The following CEP170 variants were observed in gnomAD, a reference collection of about 807,000 sequenced individuals.
CEP170 encodes centrosomal protein 170.
In CEP170, 21 loss-of-function variants were observed where a neutral mutation model predicts 151.9. That is an observed-to-expected ratio of 0.14 (90% CI 0.10 to 0.20). The LOEUF is 0.20. Among genes scored for constraint, CEP170 ranks in the 10% least tolerant of loss-of-function variants. The pLI is 1.00. For synonymous variants in CEP170, 356 were observed against 648.8 expected (o/e 0.55, Z 6.86); for missense variants, 964 against 1,892.9 (o/e 0.51, Z 9.11).
chr1:243,188,754 T>C (rs2060090128), intron 8 of CEP170, among the ~76,000 whole-genome samples: 1 of 152,242 alleles, frequency 6.6e-6, no homozygotes, highest in Non-Finnish European at 1.5e-5. Context: ...TTTTGCCTAC[T>C]TTCAATTCTT....
chr1:243,243,375 T>C (rs1395394682), intron 1 of CEP170, among the ~76,000 whole-genome samples: 1 of 152,124 alleles, frequency 6.6e-6, no homozygotes, highest in Admixed American at 6.5e-5. Flanking sequence ...AAATTTAGAA[T>C]GAATAATTTA....
At chr1:243,204,489 T>G (rs2061277312) in intron 4 of CEP170, among the ~76,000 whole-genome samples, 1 of 152,144 alleles carries the variant, frequency 6.6e-6, no homozygotes, top group Non-Finnish European at 1.5e-5. Context: ...ACTGGGTTCT[T>G]ACTTATGATG....
intron 17 of CEP170, chr1:243,135,803 A>G (rs538159658): frequency 1.9e-3 from 292 of 157,784 alleles, no homozygotes; most frequent in Middle Eastern, 3.2e-3. Context: ...ATATTATTTC[A>G]ATATATAAGC....
At chr1:243,210,608 A>ATTT (rs751388751) in intron 4 of CEP170, among the ~76,000 whole-genome samples, 22,175 of 68,018 alleles carry the variant, frequency 0.33, 5,399 homozygotes, top group Middle Eastern at 0.48. Flanking sequence ...ATTTTTCGTA[A>ATTT]TTTTTTTTTT....
chr1:243,246,582 G>A (rs538070453), intron 1 of CEP170, among the ~76,000 whole-genome samples: 13 of 151,854 alleles, frequency 8.6e-5, no homozygotes, highest in African/African-American at 3.1e-4. Flanking sequence ...TTGTGTGTAA[G>A]TAGATTACAT....
chr1:243,229,934 T>C (rs1166273748), intron 1 of CEP170, among the ~76,000 whole-genome samples: 3 of 152,198 alleles, frequency 2.0e-5, no homozygotes, highest in Non-Finnish European at 4.4e-5. Context: ...CTACACACCT[T>C]GCAAAAACAG....
chr1:243,174,530 C>T lies in CEP170; in HGVS notation c.1567-1684G>A, dbSNP rs548358255. ...CATATTTAGTGAAACAGGTATCAGA[C>T]TTTCTCATTCACTAAAACTTGAAAA... On this transcript the variant is annotated intron_variant, in intron 10 of 19. Transcript: ENST00000366542. Among the ~76,000 whole-genome samples the T allele has an allele frequency of 4.6e-5, 7 of 152,270 alleles. No individual in the cohort carries two copies. The East Asian group carries it at 1.3e-3, about 29-fold the overall frequency.
At position 243,195,231 on chromosome 1, in the gene CEP170, A is replaced by C. The variant is rs190290070; in HGVS notation, c.632-3737T>G. Among the ~76,000 whole-genome samples the C allele has an allele frequency of 5.5e-3, 832 of 151,644 alleles. 1 individual carries two copies. Among genetic ancestry groups the C allele is most frequent in the Non-Finnish European group, 8.6e-3 (582 of 67,770 alleles). On this transcript the variant is annotated intron_variant, in intron 7 of 19. Coordinates refer to ENST00000366542, the MANE Select transcript of CEP170 (RefSeq NM_014812.3). ...GCTGGATTAAAAATCAACATGAGAGAGCCAAAAATCTATGATTCCCAGTTG... is the reference window on the plus strand; with the variant it reads ...GCTGGATTAAAAATCAACATGAGAGCGCCAAAAATCTATGATTCCCAGTTG...
In CEP170 at chr1:243,254,195, T is replaced by C. The variant is rs1004213126; in HGVS notation, c.-42+845A>G. Among the ~76,000 whole-genome samples, 24 of 151,236 alleles carry C rather than the reference T, an allele frequency of 1.6e-4. No homozygotes were observed. The East Asian group carries it at 2.5e-3, about 16-fold the overall frequency. On this transcript the variant is annotated intron_variant, in intron 1 of 19. Coordinates refer to ENST00000366542, the MANE Select transcript of CEP170 (RefSeq NM_014812.3). ...TCTTCCTTACATTCCTCAAAATAAATAAATAAATAAATAAATAAATAAATA... is the reference window on the plus strand; with the variant it reads ...TCTTCCTTACATTCCTCAAAATAAACAAATAAATAAATAAATAAATAAATA...
At chr1:243,222,125 AATC>A (rs1393155457) in intron 2 of CEP170, among the ~76,000 whole-genome samples, 1 of 152,202 alleles carries the variant, frequency 6.6e-6, no homozygotes, top group African/African-American at 2.4e-5. Flanking sequence ...GTTATAGAGA[AATC>A]ATGTGAATTA....
Position 243,200,836 on chromosome 1 carries a change from G to A in CEP170, c.275-1C>T. On this transcript the variant is annotated splice_acceptor_variant, in intron 4 of 19. Coordinates refer to ENST00000366542, the MANE Select transcript of CEP170 (RefSeq NM_014812.3). LOFTEE classifies it high-confidence loss of function. Reference sequence around the variant, plus strand: ...TGTACTACAGTGAAAAGATTTGTATGTAAACGGGGCTAAGGAAGAATATAA... The same window carrying A: ...TGTACTACAGTGAAAAGATTTGTATATAAACGGGGCTAAGGAAGAATATAA... 1 of 1,610,268 alleles carries A rather than the reference G, an allele frequency of 6.2e-7. No individual in the cohort carries two copies. The highest frequency in any genetic ancestry group is 8.5e-7 in the Non-Finnish European group (1 of 1,178,640).
At chr1:243,189,672 G>T (rs1306332638) in intron 8 of CEP170, among the ~76,000 whole-genome samples, 2 of 151,718 alleles carry the variant, frequency 1.3e-5, no homozygotes, top group Non-Finnish European at 2.9e-5. Context: ...CCTTTTAAAA[G>T]GATATTTTAC....
chr1:243,199,176 C>T lies in CEP170; in HGVS notation c.515G>A (p.Arg172His), dbSNP rs771587321. 4.3e-6 allele frequency: 7 copies of T among 1,610,302 alleles called. No homozygotes were observed. The highest frequency in any genetic ancestry group is 2.2e-5 in the South Asian group (2 of 90,596). The change falls in exon 7 of 20, where the codon CGT (arginine) becomes CAT (histidine). Residue 172 changes from arginine (R) to histidine (H), a missense_variant. By Grantham distance (29) the Arg-to-His change is conservative. Transcript: ENST00000366542. ...EKAMDISAMP[R>H]GTPLYGQPSW... is the part of the protein sequence containing the mutation. ...CGGCTGCCCATATAATGGAGTACCA[C>T]GGGGCATAGCAGAAATATCTGGAAA...
At chr1:243,221,866 C>A in intron 2 of CEP170, 53 bp from the exon 3 acceptor site, 2 of 1,507,634 alleles carry the variant, frequency 1.3e-6, no homozygotes, top group South Asian at 1.3e-5. Context: ...GAATAAATAC[C>A]AGTCACATTT....
At chr1:243,194,682 T>C (rs910516462) in intron 7 of CEP170, among the ~76,000 whole-genome samples, 5 of 151,820 alleles carry the variant, frequency 3.3e-5, no homozygotes, top group African/African-American at 1.2e-4. Context: ...CACAGAAAAA[T>C]AAAACACCTT....
intron 14 of CEP170, among the ~76,000 whole-genome samples, chr1:243,146,359 C>T (rs1352333088): frequency 1.3e-5 from 2 of 152,152 alleles, no homozygotes; most frequent in African/African-American, 2.4e-5. Context: ...AGATTAGCGA[C>T]CCCTCTCCTT....
chr1:243,249,893 C>A (rs942319590), intron 1 of CEP170, among the ~76,000 whole-genome samples: 1 of 152,122 alleles, frequency 6.6e-6, no homozygotes, highest in Non-Finnish European at 1.5e-5. Flanking sequence ...TCATCCTGGC[C>A]AACATGGTGA....
At chr1:243,210,306 G>T (rs1364748110) in intron 4 of CEP170, among the ~76,000 whole-genome samples, 1 of 152,076 alleles carries the variant, frequency 6.6e-6, no homozygotes, top group Non-Finnish European at 1.5e-5. Flanking sequence ...CTCATGATTT[G>T]AAACAGTTGA....
chr1:243,230,940 C>T (rs560957052), intron 1 of CEP170, among the ~76,000 whole-genome samples: 1 of 152,184 alleles, frequency 6.6e-6, no homozygotes, highest in East Asian at 1.9e-4. Context: ...AGAAACATTA[C>T]AGTCAAATTG....
Sources: allele counts gnomAD v4.1 joint callset (sites outside exome capture counted in the v4.1 genomes callset), GRCh38; gene constraint gnomAD v4.1.1; transcripts MANE v1.5; gene names NCBI Gene and HGNC (gene_info 2026-07-23, HGNC 2026-07-21).